EPS8: variants seen among roughly 807,000 people sequenced by gnomAD.
The protein encoded by EPS8 is epidermal growth factor receptor kinase substrate 8.
A neutral mutation model predicts 103.8 loss-of-function variants in EPS8; 42 were observed. The ratio of observed to expected loss-of-function variants is 0.40; its 90% CI spans 0.32 to 0.52. The LOEUF (loss-of-function observed/expected upper bound fraction) is 0.52, where lower values mean the gene tolerates loss of function less well. EPS8 is among the 20% of genes least tolerant of loss of function. The pLI, the probability that EPS8 is intolerant of heterozygous loss-of-function variation, is 0.40. For missense variants in EPS8, 969 were observed against 1,005.1 expected (o/e 0.96, Z 0.49); for synonymous variants, 344 against 344.6 (o/e 1.00, Z 0.02).
Position 15,658,059 on chromosome 12 carries a change from T to C in EPS8, c.1101+20A>G. On this transcript the variant is annotated intron_variant, in intron 12 of 20. Coordinates refer to ENST00000281172, the MANE Select transcript of EPS8 (RefSeq NM_004447.6). ...AAAATATACTAAGAACGATTCTTTC[T>C]TAAACTAATAAAATCTCACCATATT... 6.8e-7 allele frequency: 1 copy of C among 1,462,340 alleles called. No individual in the cohort carries two copies. The allele number at this position is 1,462,340 out of a possible 1,614,324, so 90.6% of individuals were successfully genotyped here.
rs917603062 is a variant in EPS8 at position 15,665,872 on chromosome 12, G to C, written c.620C>G (p.Pro207Arg). 5 of 1,613,904 alleles carry C rather than the reference G, an allele frequency of 3.1e-6. No individual in the cohort carries two copies. In the African/African-American group the frequency reaches 6.7e-5, roughly 22 times the overall value. ...DALRMISNAD[P>R]SIPPPPRAPA... The stretch of plus-strand genomic sequence containing the variant: ...AGCTCTGGGTGGAGGCGGTATACTA[G>C]GGTCTGCATTGGAAATCATCCTTAA... Residue 207 changes from proline to arginine, a missense_variant, in exon 8 of 21, where the codon CCT (proline) becomes CGT (arginine). Pro to Arg is a moderately radical substitution (Grantham distance 103). Transcript: ENST00000281172.
At position 15,727,206 on chromosome 12, in the gene EPS8, T is replaced by A. The variant is rs916248816; in HGVS notation, c.-21-44234A>T. ...TACAAAGCCTGGGCACCTGGGGTTC[T>A]GATTACTTCCCTCGTGGATTTAATA... On this transcript the variant is annotated intron_variant, in intron 1 of 20. Coordinates refer to ENST00000281172, the MANE Select transcript of EPS8 (RefSeq NM_004447.6). This position sits in a 1 kb window ranked among gnomAD's most constrained non-coding sequence, Gnocchi z 4.3. Among the ~76,000 whole-genome samples, 2 of 152,244 alleles carry A rather than the reference T, an allele frequency of 1.3e-5. No individual in the cohort carries two copies. Among genetic ancestry groups the A allele is most frequent in the African/African-American group, 4.8e-5 (2 of 41,460 alleles).
chr12:15,621,168 C>A lies in EPS8; in HGVS notation c.*149G>T. 1 of 480,090 alleles carries A rather than the reference C, an allele frequency of 2.1e-6. No homozygotes were observed. The highest frequency in any genetic ancestry group is 3.6e-6 in the Non-Finnish European group (1 of 280,954). 29.7% of individuals were successfully genotyped at this position (480,090 alleles called of 1,614,324 possible). The stretch of plus-strand genomic sequence containing the variant: ...AAAAATAATGGGCCTAGAAGCAAAT[C>A]CTGTGCTCACTCAGGTTTGCATGGG... On this transcript the variant is annotated 3_prime_UTR_variant, in exon 21 of 21. Coordinates refer to ENST00000281172, the MANE Select transcript of EPS8 (RefSeq NM_004447.6).
At chr12:15,623,384 T>G (rs1944892168) in intron 19 of EPS8, 97 bp from the exon 20 acceptor site, 1 of 1,123,882 alleles carries the variant, frequency 8.9e-7, no homozygotes, top group African/African-American at 1.6e-5. Flanking sequence ...TTCTCTTTTC[T>G]AAGCGTTCCA....
At chr12:15,646,706 G>C (rs571666756) in intron 15 of EPS8, among the ~76,000 whole-genome samples, 3 of 152,268 alleles carry the variant, frequency 2.0e-5, no homozygotes, top group South Asian at 4.1e-4. Context: ...TTTATATTCA[G>C]TTTAAATATA....
chr12:15,680,586 C>T (rs920734994), intron 3 of EPS8, among the ~76,000 whole-genome samples: 4 of 152,096 alleles, frequency 2.6e-5, no homozygotes, highest in Non-Finnish European at 5.9e-5. Flanking sequence ...CAATATTATT[C>T]TCATTCTTTA....
Position 15,757,859 on chromosome 12 carries a change from C to T in EPS8, c.-22+31302G>A, listed in dbSNP as rs944203444. On this transcript the variant is annotated intron_variant, in intron 1 of 20. Coordinates refer to ENST00000281172, the MANE Select transcript of EPS8 (RefSeq NM_004447.6). The surrounding 1 kb of genome is among the most constrained non-coding windows in gnomAD (Gnocchi z 4.1). ...ACTTAGCAGCTTAGAAGAACAATAG[C>T]GTAAGGTACTAGCTCTCACAGTTTC... Among the ~76,000 whole-genome samples the T allele has an allele frequency of 3.3e-5, 5 of 152,116 alleles. No individual in the cohort carries two copies. The highest frequency in any genetic ancestry group is 9.7e-5 in the African/African-American group (4 of 41,434).
chr12:15,653,519 T>G (rs1945451992), intron 13 of EPS8, among the ~76,000 whole-genome samples: 1 of 152,174 alleles, frequency 6.6e-6, no homozygotes, highest in Admixed American at 6.5e-5. Flanking sequence ...CTTGACTACC[T>G]TATGCCTTCA....
At position 15,631,559 on chromosome 12, in the gene EPS8, C is replaced by T; in HGVS notation, c.1927G>A (p.Ala643Thr). 1 of 1,613,762 alleles carries T rather than the reference C, an allele frequency of 6.2e-7. No homozygotes were observed. Among genetic ancestry groups the T allele is most frequent in the Middle Eastern group, 1.6e-4 (1 of 6,062 alleles). Reference sequence around the variant, plus strand: ...GGGACCTTTGACACAGGAACAGGTGCTGGAGTGGAAGGGGGAAGGGGAACA... The same window carrying T: ...GGGACCTTTGACACAGGAACAGGTGTTGGAGTGGAAGGGGGAAGGGGAACA... Reference protein sequence around the residue: ...VPVPLPPSTPAPVPVSKVPAN... With the variant: ...VPVPLPPSTPTPVPVSKVPAN... The change falls in exon 18 of 21, where the codon GCA becomes ACA. Residue 643 changes from alanine (A) to threonine (T), a missense_variant. By Grantham distance (58) the Ala-to-Thr change is moderately conservative (BLOSUM62 0). Coordinates refer to ENST00000281172, the MANE Select transcript of EPS8 (RefSeq NM_004447.6).
chr12:15,719,349 G>C (rs974041434), intron 1 of EPS8, among the ~76,000 whole-genome samples: 2 of 152,126 alleles, frequency 1.3e-5, no homozygotes, highest in Admixed American at 6.5e-5. Context: ...TGTGCAAACA[G>C]TTGTTAAAAT....
intron 1 of EPS8, among the ~76,000 whole-genome samples, chr12:15,715,782 C>T (rs1028395429): frequency 1.3e-5 from 2 of 151,996 alleles, no homozygotes; most frequent in African/African-American, 4.8e-5. Context: ...AGCCACCATG[C>T]CTGGCCCCCA....
chr12:15,660,720 C>G lies in EPS8; in HGVS notation c.831G>C (p.Leu277Phe), dbSNP rs770065052. 5 of 1,603,218 alleles carry G rather than the reference C, an allele frequency of 3.1e-6. No individual in the cohort carries two copies. In the African/African-American group the frequency reaches 6.7e-5, roughly 22 times the overall value. ...DRDVQILNHI[L>F]DDIEFFITKL... is the part of the protein sequence containing the mutation. ...TTGTGATAAAAAATTCAATGTCATC[C>G]AAAATGTGGTTTAAGATTTGCTGAA... The change falls in exon 10 of 21, where the codon TTG becomes TTC. Residue 277 changes from leucine (L) to phenylalanine (F), a missense_variant. By Grantham distance (22) the Leu-to-Phe change is conservative. Transcript: ENST00000281172.
At chr12:15,746,035 G>A (rs192035774) in intron 1 of EPS8, among the ~76,000 whole-genome samples, 2 of 152,254 alleles carry the variant, frequency 1.3e-5, no homozygotes, top group Admixed American at 6.5e-5. Context: ...AGAAAAAGAA[G>A]CATCATACGA....
intron 1 of EPS8, among the ~76,000 whole-genome samples, chr12:15,685,273 G>C (rs1025729579): frequency 6.6e-6 from 1 of 152,134 alleles, no homozygotes; most frequent in Non-Finnish European, 1.5e-5. Flanking sequence ...GTCCTCGTCA[G>C]TAAAATAGAG....
At chr12:15,654,635 A>T (rs971049490) in intron 12 of EPS8, among the ~76,000 whole-genome samples, 5 of 152,158 alleles carry the variant, frequency 3.3e-5, no homozygotes, top group African/African-American at 1.2e-4. Flanking sequence ...TGTTGTTTTA[A>T]ATATGTGTTT....
intron 19 of EPS8, among the ~76,000 whole-genome samples, chr12:15,623,532 C>T (rs1348806598): frequency 6.6e-6 from 1 of 152,040 alleles, no homozygotes; most frequent in Non-Finnish European, 1.5e-5. Flanking sequence ...GGTTTAGGGT[C>T]ATTGTTTAAT....
At chr12:15,638,625 A>T (rs547816591) in intron 17 of EPS8, among the ~76,000 whole-genome samples, 1 of 152,354 alleles carries the variant, frequency 6.6e-6, no homozygotes, top group South Asian at 2.1e-4. Context: ...ATAGCCAAAT[A>T]GGCAATCCCT....
At chr12:15,724,241 A>G (rs2135982300) in intron 1 of EPS8, among the ~76,000 whole-genome samples, 2 of 152,314 alleles carry the variant, frequency 1.3e-5, no homozygotes, top group South Asian at 4.1e-4. Flanking sequence ...TTAGGTAAAC[A>G]TGAGACTTAG....
In EPS8 at chr12:15,785,546, T is replaced by G. The variant is rs966676564; in HGVS notation, c.-22+3615A>C. Among the ~76,000 whole-genome samples, 17 of 152,132 alleles carry G rather than the reference T, an allele frequency of 1.1e-4. No individual in the cohort carries two copies. Among genetic ancestry groups the G allele is most frequent in the Non-Finnish European group, 2.4e-4 (16 of 67,968 alleles). On this transcript the variant is annotated intron_variant, in intron 1 of 20. Coordinates refer to ENST00000281172, the MANE Select transcript of EPS8 (RefSeq NM_004447.6). This position sits in a 1 kb window ranked among gnomAD's most constrained non-coding sequence, Gnocchi z 4.9. ...TTCATAGTTAAACATGGATACAAAC[T>G]GTTACATAAAAATATGTACAGATAT...
Sources: gnomAD v4.1 joint callset for allele counts (sites outside exome capture counted in the v4.1 genomes callset) on GRCh38, gnomAD v4.1.1 for gene constraint, Gnocchi (gnomAD v3.1) non-coding constraint, MANE v1.5 for transcripts, NCBI Gene and HGNC (gene_info 2026-07-23, HGNC 2026-07-21) for gene names.